Variants in ARFGEF1 observed in about 807,000 individuals in gnomAD.
ARFGEF1 encodes the protein ARF guanine nucleotide exchange factor 1.
Under a neutral mutation model 231.0 loss-of-function variants are expected in ARFGEF1, and 42 were observed. The ratio of observed to expected loss-of-function variants is 0.18; its 90% CI spans 0.14 to 0.24. The LOEUF (loss-of-function observed/expected upper bound fraction) is 0.24, where lower values mean the gene tolerates loss of function less well. ARFGEF1 is among the 10% of genes least tolerant of loss of function. ARFGEF1 has a pLI of 1.00. For missense variants in ARFGEF1, 1,345 were observed against 2,192.0 expected, an observed-to-expected ratio of 0.61 and a Z score of 7.72; for synonymous variants, 710 against 732.3, an observed-to-expected ratio of 0.97 and a Z score of 0.49.
rs1554635977 is a variant in ARFGEF1 at position 67,218,203 on chromosome 8, A to AT, written c.4339-66_4339-65insA. On this transcript the variant is annotated intron_variant, in intron 30 of 38. Coordinates refer to ENST00000262215, the MANE Select transcript of ARFGEF1 (RefSeq NM_006421.5). ...CAACTACTATGATTAAAAAAAAAAA[A>AT]AAAAATATATATATATATATATATA... The AT allele has an allele frequency of 3.4e-4, 56 of 167,024 alleles. 1 individual carries two copies. Among genetic ancestry groups the AT allele is most frequent in the Admixed American group, 3.3e-3 (26 of 7,956 alleles). The allele number at this position is 167,024 out of a possible 1,614,324, so 10.3% of individuals were successfully genotyped here.
At chr8:67,276,198 T>A (rs1478428106) in intron 8 of ARFGEF1, 89 bp from the exon 9 acceptor site, 2 of 1,416,600 alleles carry the variant, frequency 1.4e-6, no homozygotes, top group African/African-American at 1.4e-5. Context: ...TTCAATTCAC[T>A]AACAGGTGGA....
At chr8:67,271,070 T>TA (rs1805077491) in intron 10 of ARFGEF1, among the ~76,000 whole-genome samples, 1 of 135,206 alleles carries the variant, frequency 7.4e-6, no homozygotes, top group African/African-American at 2.8e-5. Context: ...AAAAAGAAAC[T>TA]GGTACACTTG....
intron 22 of ARFGEF1, among the ~76,000 whole-genome samples, chr8:67,234,124 C>T (rs1428682964): frequency 6.6e-6 from 1 of 152,104 alleles, no homozygotes; most frequent in Non-Finnish European, 1.5e-5. Context: ...AGTGACCAAA[C>T]ACTCAATAAA....
Position 67,199,048 on chromosome 8 carries a change from T to C in ARFGEF1, c.5436A>G (p.Gln1812=), listed in dbSNP as rs371347759. 3.7e-6 allele frequency: 6 copies of C among 1,610,544 alleles called. No homozygotes were observed. Among genetic ancestry groups the C allele is most frequent in the African/African-American group, 1.3e-5 (1 of 74,684 alleles). ...FYYPLLCEIM[Q]FDLIPELRAV... ...CACGAAGTTCAGGAATCAAGTCAAA[T>C]TGCATAATTTCACATAAGAGAGGGT... Residue 1812 remains glutamine, a synonymous_variant, in exon 39 of 39, where the codon CAA becomes CAG. Transcript: ENST00000262215.
At chr8:67,239,093 G>A (rs1049086182) in intron 20 of ARFGEF1, among the ~76,000 whole-genome samples, 200 bp from the exon 21 acceptor site, 3 of 151,362 alleles carry the variant, frequency 2.0e-5, no homozygotes, top group African/African-American at 4.9e-5. Context: ...TGCGACCTCC[G>A]CCTCCCAGGT....
chr8:67,343,701 T>C lies in ARFGEF1; in HGVS notation c.-414A>G. The stretch of plus-strand genomic sequence containing the variant: ...GCGAGAGAAGGGCTACCCTGGCTAC[T>C]GTGGGGATTAGCACCCGCCGCGGCC... On this transcript the variant is annotated 5_prime_UTR_variant, in exon 1 of 39. Transcript: ENST00000262215. The C allele has an allele frequency of 1.3e-6, 1 of 762,734 alleles. No individual in the cohort carries two copies. The highest frequency in any genetic ancestry group is 1.6e-6 in the Non-Finnish European group (1 of 624,552). The allele number at this position is 762,734 out of a possible 1,614,324, so 47.2% of individuals were successfully genotyped here.
chr8:67,208,629 C>CAA (rs1226322166), intron 34 of ARFGEF1, among the ~76,000 whole-genome samples: 1,424 of 50,362 alleles, frequency 0.028, 52 homozygotes, highest in African/African-American at 0.074. Context: ...GACTCCATCT[C>CAA]AAAAAAAAAA....
chr8:67,201,014 G>A (rs1463390133), intron 37 of ARFGEF1, among the ~76,000 whole-genome samples: 2 of 152,240 alleles, frequency 1.3e-5, no homozygotes, highest in Non-Finnish European at 2.9e-5. Flanking sequence ...ATAATACAAT[G>A]CAGATGACCG....
At chr8:67,326,096 G>A (rs1807819033) in intron 1 of ARFGEF1, among the ~76,000 whole-genome samples, 1 of 152,200 alleles carries the variant, frequency 6.6e-6, no homozygotes, top group South Asian at 2.1e-4. Context: ...CTACTTAGGA[G>A]GCTGAGGTAG....
At chr8:67,203,036 C>G in intron 36 of ARFGEF1, 47 bp downstream of exon 36, 1 of 1,572,842 alleles carries the variant, frequency 6.4e-7, no homozygotes, top group Non-Finnish European at 8.6e-7. Context: ...GTACCTGTCC[C>G]ACATCCATCA....
chr8:67,335,963 C>A (rs1297319057), intron 1 of ARFGEF1, among the ~76,000 whole-genome samples: 2 of 152,040 alleles, frequency 1.3e-5, no homozygotes, highest in Non-Finnish European at 2.9e-5. Flanking sequence ...GCTGGCCAGG[C>A]TGGTCTCGAA....
chr8:67,284,358 C>T (rs1012397470), intron 7 of ARFGEF1, among the ~76,000 whole-genome samples: 1 of 152,064 alleles, frequency 6.6e-6, no homozygotes, highest in African/African-American at 2.4e-5. Context: ...GCTAGTGAAA[C>T]TGATTACCTA....
intron 1 of ARFGEF1, among the ~76,000 whole-genome samples, chr8:67,326,892 T>C (rs1460192953): frequency 6.6e-6 from 1 of 152,182 alleles, no homozygotes; most frequent in East Asian, 1.9e-4. Context: ...TCAGGCCAGT[T>C]ATTCTTTCAT....
chr8:67,230,565 G>A (rs1319424554), intron 23 of ARFGEF1, among the ~76,000 whole-genome samples: 2 of 151,986 alleles, frequency 1.3e-5, no homozygotes, highest in Non-Finnish European at 2.9e-5. Flanking sequence ...ATGAGCAAAG[G>A]AAGTTGGGAT....
chr8:67,343,083 G>A, intron 1 of ARFGEF1, 81 bp downstream of exon 1: 1 of 1,234,344 alleles, frequency 8.1e-7, no homozygotes, highest in Non-Finnish European at 1.1e-6. Context: ...GGCAAGCCCC[G>A]GGCGACCCCA....
chr8:67,278,991 C>T (rs964708701), intron 7 of ARFGEF1, among the ~76,000 whole-genome samples: 7 of 152,178 alleles, frequency 4.6e-5, no homozygotes, highest in East Asian at 3.9e-4. Context: ...AGGCCAGGCA[C>T]GGTGGCTCAT....
At chr8:67,193,775 T>C (rs1586966556), downstream of ARFGEF1, among the ~76,000 whole-genome samples, 1 of 152,236 alleles carries the variant, frequency 6.6e-6, no homozygotes, top group African/African-American at 2.4e-5. Flanking sequence ...AGGATGCAGT[T>C]TGCATCAGAT....
At chr8:67,310,855 G>A (rs575626984) in intron 1 of ARFGEF1, among the ~76,000 whole-genome samples, 2 of 151,338 alleles carry the variant, frequency 1.3e-5, no homozygotes, top group Non-Finnish European at 2.9e-5. Context: ...GAGCCCCTCC[G>A]CCTGGCAGCT....
chr8:67,221,920 T>C (rs1839177712), intron 29 of ARFGEF1, among the ~76,000 whole-genome samples: 1 of 151,446 alleles, frequency 6.6e-6, no homozygotes, highest in Non-Finnish European at 1.5e-5. Flanking sequence ...TTCAAGCCAT[T>C]TTCCTGCCTC....
Sources: allele counts gnomAD v4.1 joint callset (sites outside exome capture counted in the v4.1 genomes callset), GRCh38; gene constraint gnomAD v4.1.1; transcripts MANE v1.5; gene names NCBI Gene and HGNC (gene_info 2026-07-23, HGNC 2026-07-21).